Variants in PAK3 observed in about 807,000 individuals in gnomAD.
PAK3 encodes the protein p21 (RAC1) activated kinase 3, also known as serine/threonine-protein kinase PAK 3.
In PAK3, 4 loss-of-function variants were observed where a neutral mutation model predicts 41.0. That is an observed-to-expected ratio of 0.10 (90% CI 0.05 to 0.22). The LOEUF (loss-of-function observed/expected upper bound fraction) is 0.22, where lower values mean the gene tolerates loss of function less well. PAK3 is among the 10% of genes least tolerant of loss of function. PAK3 has a pLI of 1.00. For missense variants in PAK3, 205 were observed against 409.9 expected (o/e 0.50, Z 4.32); for synonymous variants, 146 against 139.6 (o/e 1.05, Z -0.32).
intron 1 of PAK3, among the ~76,000 whole-genome samples, chrX:111,053,825 T>A (rs761115859): frequency 8.9e-6 from 1 of 111,892 alleles, no homozygotes; most frequent in East Asian, 2.8e-4. Context: ...CTCCAGGCAC[T>A]TATCCATGCT....
At chrX:111,143,846 A>C (rs1280585333) in intron 6 of PAK3, among the ~76,000 whole-genome samples, 3 of 110,483 alleles carry the variant, frequency 2.7e-5, no homozygotes, top group Non-Finnish European at 5.7e-5. Flanking sequence ...CCTCATTTAA[A>C]CTACTATTGT....
intron 1 of PAK3, among the ~76,000 whole-genome samples, chrX:111,001,034 C>G (rs1005034023): frequency 4.5e-5 from 5 of 111,542 alleles, no homozygotes; most frequent in Non-Finnish European, 9.4e-5. Context: ...GCAAGAGCCA[C>G]AAGGTAGAGC....
chrX:111,094,679 CTTTT>C (rs762547955), upstream of PAK3, among the ~76,000 whole-genome samples: 4 of 45,088 alleles, frequency 8.9e-5, no homozygotes, highest in Non-Finnish European at 1.2e-4. Context: ...ATCTGTAGCT[CTTTT>C]TTTTTTTTTT....
At chrX:111,113,288 C>T (rs539246286) in intron 4 of PAK3, among the ~76,000 whole-genome samples, 44 of 111,235 alleles carry the variant, frequency 4.0e-4, no homozygotes, top group Middle Eastern at 9.2e-3. Flanking sequence ...TGTATATATG[C>T]ATGTCTGCCT....
At chrX:111,190,552 C>G (rs756989590) in intron 11 of PAK3, among the ~76,000 whole-genome samples, 1 of 111,565 alleles carries the variant, frequency 9.0e-6, no homozygotes, top group African/African-American at 3.3e-5. Context: ...AAGTAACTAG[C>G]GCAAAGTCAC....
At chrX:111,195,969 G>C in intron 15 of PAK3, 28 bp downstream of exon 15, 1 of 774,199 alleles carries the variant, frequency 1.3e-6, no homozygotes, top group Non-Finnish European at 2.0e-6. Context: ...GGTGGTATTA[G>C]AGTATCAGGG....
chrX:110,944,561 C>T (rs1367523484), exon 1 of PAK3: 2 of 112,974 alleles, frequency 1.8e-5, no homozygotes, highest in African/African-American at 6.5e-5. Flanking sequence ...CTCCTCCTGC[C>T]CAGCAGCGAA....
intron 17 of PAK3, among the ~76,000 whole-genome samples, chrX:111,218,955 C>A (rs922991346): frequency 3.6e-5 from 4 of 109,853 alleles, no homozygotes; most frequent in African/African-American, 1.3e-4. Flanking sequence ...TTTGTGAGGC[C>A]GAGGCAGGCG....
intron 1 of PAK3, among the ~76,000 whole-genome samples, chrX:111,088,595 C>G (rs972458630): frequency 8.9e-6 from 1 of 111,856 alleles, no homozygotes; most frequent in African/African-American, 3.2e-5. Context: ...AAGGGGTTTT[C>G]TAGGTAACCC....
chrX:111,163,554 T>C lies in PAK3; in HGVS notation c.601-8T>C, dbSNP rs761777943. The C allele has an allele frequency of 5.0e-6, 6 of 1,201,326 alleles. No homozygotes were observed. Among genetic ancestry groups the C allele is most frequent in the South Asian group, 1.8e-5 (1 of 56,699 alleles). On this transcript the variant is annotated splice_polypyrimidine_tract_variant and splice_region_variant and intron_variant, in intron 9 of 17. Coordinates refer to ENST00000372007, the MANE Select transcript of PAK3 (RefSeq NM_002578.5). ...TGTTTTAATTGCAGAGCTTTTTGGT[T>C]TTTTTAGATCTATACTCGTTCTGTG... is the stretch of plus-strand genomic sequence containing the variant.
At position 110,958,921 on chromosome X, in the gene PAK3, G is replaced by T. The variant is rs1267325721; in HGVS notation, c.-28+14293G>T. On this transcript the variant is annotated intron_variant, in intron 1 of 14. Coordinates refer to the PAK3 transcript ENST00000425146. ...CCTTACTCTTCTTGCCAAGGCATGGGACATTACTCTGGATTATGCTTTTTT... is the reference window on the plus strand; with the variant it reads ...CCTTACTCTTCTTGCCAAGGCATGGTACATTACTCTGGATTATGCTTTTTT... 2.7e-5 allele frequency among the ~76,000 whole-genome samples: 3 copies of T among 111,609 alleles called. No individual in the cohort carries two copies. The East Asian group carries it at 8.5e-4, about 32-fold the overall frequency.
At chrX:110,999,902 A>C (rs1297569182) in intron 1 of PAK3, among the ~76,000 whole-genome samples, 1 of 111,418 alleles carries the variant, frequency 9.0e-6, no homozygotes, top group Non-Finnish European at 1.9e-5. Context: ...AAGGGGGCGA[A>C]GGTTGCAGTG....
intron 1 of PAK3, among the ~76,000 whole-genome samples, chrX:111,002,899 CT>C (rs1177573703): frequency 8.9e-6 from 1 of 111,740 alleles, no homozygotes; most frequent in Non-Finnish European, 1.9e-5. Flanking sequence ...AGCAGTGGTT[CT>C]CAGTGTAGCC....
chrX:111,159,820 A>G (rs1466139890), intron 8 of PAK3, among the ~76,000 whole-genome samples: 2 of 112,208 alleles, frequency 1.8e-5, no homozygotes, highest in African/African-American at 3.2e-5. Context: ...ACAAACTTCA[A>G]TCTATAAACC....
intron 16 of PAK3, among the ~76,000 whole-genome samples, chrX:111,202,632 A>G (rs1013913413): frequency 6.2e-5 from 7 of 112,060 alleles, no homozygotes; most frequent in African/African-American, 2.3e-4. Flanking sequence ...CTTGATGCTA[A>G]GTAAGGAGAC....
chrX:111,101,499 G>T (rs1057110487), intron 3 of PAK3, among the ~76,000 whole-genome samples: 9 of 111,931 alleles, frequency 8.0e-5, no homozygotes, highest in South Asian at 3.8e-4. Context: ...AAACATGGAG[G>T]TTCTTGGTAG....
At chrX:111,094,080 C>CT (rs1181572577), upstream of PAK3, among the ~76,000 whole-genome samples, 49 of 100,923 alleles carry the variant, frequency 4.9e-4, no homozygotes, top group East Asian at 2.8e-3. Flanking sequence ...GATGTGGTTG[C>CT]TTTTTTTTTT....
chrX:110,958,978 A>G (rs1025064001), intron 1 of PAK3, among the ~76,000 whole-genome samples: 1 of 112,301 alleles, frequency 8.9e-6, no homozygotes, highest in African/African-American at 3.2e-5. Flanking sequence ...TCAATGATAT[A>G]TATTATTTGA....
chrX:111,118,663 A>T (rs1407194533), intron 4 of PAK3, among the ~76,000 whole-genome samples: 1 of 110,830 alleles, frequency 9.0e-6, no homozygotes, highest in Non-Finnish European at 1.9e-5. Flanking sequence ...ATGACTGTAC[A>T]TTGCTAACCT....
Sources: gnomAD v4.1 joint callset for allele counts (sites outside exome capture counted in the v4.1 genomes callset) on GRCh38, gnomAD v4.1.1 for gene constraint, MANE v1.5 for transcripts, NCBI Gene and HGNC (gene_info 2026-07-23, HGNC 2026-07-21) for gene names.